Variants in COL22A1 observed in about 807,000 individuals in gnomAD.
COL22A1 encodes the protein collagen type XXII alpha 1 chain.
A neutral mutation model predicts 248.9 loss-of-function variants in COL22A1; 221 were observed. The observed-to-expected ratio is 0.89, with a 90% CI of 0.80 to 0.99. The LOEUF (loss-of-function observed/expected upper bound fraction) is 0.99, where lower values mean the gene tolerates loss of function less well. Among genes scored for constraint, COL22A1 ranks in the 50% least tolerant of loss-of-function variants. The pLI, the probability that COL22A1 is intolerant of heterozygous loss-of-function variation, is 0.00. For synonymous variants in COL22A1, 891 were observed against 793.4 expected (o/e 1.12, Z -2.07); for missense variants, 2,240 against 2,179.0 (o/e 1.03, Z -0.56).
chr8:138,599,029 G>A, intron 60 of COL22A1, 131 bp from the exon 61 acceptor site: 1 of 879,518 alleles, frequency 1.1e-6, no homozygotes, highest in Non-Finnish European at 1.8e-6. Context: ...GGTGGCCCAT[G>A]TGTGGCTTGG....
rs550708430 is a variant in COL22A1, at chr8:138,738,065, T to G, written c.2086-488A>C. Among the ~76,000 whole-genome samples the G allele has an allele frequency of 8.0e-4, 122 of 152,262 alleles. 1 individual carries two copies. The South Asian group carries it at 0.016, about 20-fold the overall frequency. On this transcript the variant is annotated intron_variant, in intron 22 of 64. Coordinates refer to ENST00000303045, the MANE Select transcript of COL22A1 (RefSeq NM_152888.3). ...ATTCAACCTGTTAAACTTTGCTTCTTTGTTTCCATTTAATTTATCTAAGCC... is the reference window on the plus strand; with the variant it reads ...ATTCAACCTGTTAAACTTTGCTTCTGTGTTTCCATTTAATTTATCTAAGCC...
chr8:138,765,826 C>T (rs747400620), intron 16 of COL22A1, among the ~76,000 whole-genome samples: 5 of 152,292 alleles, frequency 3.3e-5, no homozygotes, highest in South Asian at 2.1e-4. Context: ...CAGGGAGAGC[C>T]GGCTGCACAG....
intron 6 of COL22A1, among the ~76,000 whole-genome samples, chr8:138,824,990 A>G (rs1449300243): frequency 2.0e-5 from 3 of 152,234 alleles, no homozygotes; most frequent in Non-Finnish European, 4.4e-5. Flanking sequence ...CATGGCAGAC[A>G]GGACACAGAC....
At chr8:138,812,727 T>C (rs1818345846) in intron 8 of COL22A1, among the ~76,000 whole-genome samples, 1 of 152,116 alleles carries the variant, frequency 6.6e-6, no homozygotes, top group African/African-American at 2.4e-5. Context: ...GCACTGGGGT[T>C]ACACTGACTA....
intron 50 of COL22A1, among the ~76,000 whole-genome samples, chr8:138,628,545 G>GA (rs1003142036): frequency 2.4e-4 from 37 of 151,098 alleles, no homozygotes; most frequent in Middle Eastern, 3.2e-3. Flanking sequence ...AGAAGAAAAA[G>GA]AAAAAAAAAT....
In COL22A1 at chr8:138,635,010, T is replaced by G. The variant is rs147655243; in HGVS notation, c.3609A>C (p.Pro1203=). Residue 1203 remains proline (P), a splice_region_variant and synonymous_variant, in exon 49 of 65, where the codon CCA becomes CCC. Coordinates refer to ENST00000303045, the MANE Select transcript of COL22A1 (RefSeq NM_152888.3). ...FMGPPGNPGP[P]GADGIAGAAG... ...GAGGGGATTAAAGATGATTACTTAC[T>G]GGTGGCCCAGGGTTCCCTGGGGGCC... 13 of 1,598,100 alleles carry G rather than the reference T, an allele frequency of 8.1e-6. No homozygotes were observed. The highest frequency in any genetic ancestry group is 1.1e-5 in the Non-Finnish European group (13 of 1,166,180).
intron 3 of COL22A1, among the ~76,000 whole-genome samples, chr8:138,876,391 C>T (rs892601865): frequency 2.0e-5 from 3 of 152,302 alleles, no homozygotes; most frequent in South Asian, 4.2e-4. Flanking sequence ...TTTACCTGCC[C>T]GGTATCACAT....
intron 5 of COL22A1, 49 bp from the exon 6 acceptor site, chr8:138,826,830 G>C: frequency 6.2e-7 from 1 of 1,605,978 alleles, no homozygotes; most frequent in Non-Finnish European, 8.5e-7. Context: ...TGAGAGCAGG[G>C]AGCCAGCAAA....
intron 3 of COL22A1, among the ~76,000 whole-genome samples, chr8:138,860,009 T>A (rs1377845619): frequency 1.3e-5 from 2 of 152,214 alleles, no homozygotes; most frequent in South Asian, 4.1e-4. Flanking sequence ...ACCATTACTA[T>A]GTGCTGGGCT....
chr8:138,738,270 A>T (rs1314956293), intron 22 of COL22A1, among the ~76,000 whole-genome samples: 2 of 152,204 alleles, frequency 1.3e-5, no homozygotes, highest in African/African-American at 4.8e-5. Context: ...TTCAGTATCC[A>T]GCAGGGTGAT....
chr8:138,655,950 A>G lies in COL22A1; in HGVS notation c.3286-6T>C. 1 of 1,610,680 alleles carries G rather than the reference A, an allele frequency of 6.2e-7. No homozygotes were observed. Among genetic ancestry groups the G allele is most frequent in the Non-Finnish European group, 8.5e-7 (1 of 1,177,366 alleles). On this transcript the variant is annotated splice_polypyrimidine_tract_variant and splice_region_variant and intron_variant, in intron 44 of 64. Transcript: ENST00000303045. ...GACAGTAGTGAAGAGAGGCCCTGTC[A>G]AAATAAAAAGAAACAAACACATACG...
chr8:138,762,496 A>G (rs377061132), intron 16 of COL22A1, 30 bp from the exon 17 acceptor site: 27 of 1,610,262 alleles, frequency 1.7e-5, no homozygotes, highest in Admixed American at 6.7e-5. Context: ...GGTGAAATAA[A>G]GAGGTTAGTG....
intron 30 of COL22A1, among the ~76,000 whole-genome samples, chr8:138,704,224 C>A (rs1055990859): frequency 2.0e-5 from 3 of 152,204 alleles, no homozygotes; most frequent in South Asian, 4.1e-4. Flanking sequence ...CAAAAGGCAG[C>A]AGAAACTTCT....
At chr8:138,597,825 C>T (rs373182580) in intron 61 of COL22A1, among the ~76,000 whole-genome samples, 1 of 152,216 alleles carries the variant, frequency 6.6e-6, no homozygotes, top group East Asian at 1.9e-4. Context: ...GGCAAAGCTC[C>T]AAGAGGGCTT....
chr8:138,615,063 C>T (rs79392014), intron 55 of COL22A1, among the ~76,000 whole-genome samples: 126 of 152,312 alleles, frequency 8.3e-4, no homozygotes, highest in African/African-American at 2.9e-3. Context: ...TCTCACACGT[C>T]CAGCCACCCT....
chr8:138,718,012 G>A (rs958338399), intron 27 of COL22A1, among the ~76,000 whole-genome samples: 1 of 152,088 alleles, frequency 6.6e-6, no homozygotes, highest in African/African-American at 2.4e-5. Flanking sequence ...ATGGATGCAC[G>A]AAAGAATGAA....
In COL22A1 at chr8:138,651,726, C is replaced by T. The variant is rs73445452; in HGVS notation, c.3334-1948G>A. On this transcript the variant is annotated intron_variant, in intron 45 of 64. Coordinates refer to ENST00000303045, the MANE Select transcript of COL22A1 (RefSeq NM_152888.3). Reference sequence around the variant, plus strand: ...AACATTGCAACTGTGGATGGATGCACGGATGGATGGATGGATGGATGGATG... The same window carrying T: ...AACATTGCAACTGTGGATGGATGCATGGATGGATGGATGGATGGATGGATG... Among the ~76,000 whole-genome samples the T allele has an allele frequency of 2.7e-3, 411 of 152,014 alleles. 2 individuals carry two copies. Among genetic ancestry groups the T allele is most frequent in the African/African-American group, 9.6e-3 (396 of 41,462 alleles).
chr8:138,703,836 C>T (rs188044842), intron 30 of COL22A1, among the ~76,000 whole-genome samples: 24 of 152,250 alleles, frequency 1.6e-4, no homozygotes, highest in African/African-American at 4.6e-4. Flanking sequence ...CATTGCCTCA[C>T]CCAGGAGGCA....
intron 57 of COL22A1, among the ~76,000 whole-genome samples, chr8:138,607,304 CAAG>C (rs1473677002): frequency 2.6e-5 from 4 of 152,190 alleles, no homozygotes; most frequent in Non-Finnish European, 4.4e-5. Flanking sequence ...AGTAAAAATA[CAAG>C]AAGACTAGAT....
Sources: gnomAD v4.1 joint callset for allele counts (sites outside exome capture counted in the v4.1 genomes callset) on GRCh38, gnomAD v4.1.1 for gene constraint, MANE v1.5 for transcripts, NCBI Gene and HGNC (gene_info 2026-07-23, HGNC 2026-07-21) for gene names.